The following LDLRAD3 variants were observed in gnomAD, a reference collection of about 807,000 sequenced individuals.
LDLRAD3 encodes the protein low density lipoprotein receptor class A domain containing 3.
A neutral mutation model predicts 29.4 loss-of-function variants in LDLRAD3; 20 were observed. The observed-to-expected ratio is 0.68, with a 90% CI of 0.48 to 0.99. The LOEUF is 0.99. Ranked by LOEUF, LDLRAD3 falls within the 50% of genes least tolerant of loss-of-function variation. The probability of loss-of-function intolerance (pLI) is 0.00; values close to 1 mark genes in which losing one functional copy is unlikely to be tolerated. For synonymous variants in LDLRAD3, 157 were observed against 192.7 expected (o/e 0.81, Z 1.53); for missense variants, 420 against 454.3 (o/e 0.92, Z 0.69).
chr11:36,167,766 C>T (rs755502373), intron 4 of LDLRAD3, among the ~76,000 whole-genome samples: 1 of 152,152 alleles, frequency 6.6e-6, no homozygotes, highest in Non-Finnish European at 1.5e-5. Context: ...CCACGCAGTT[C>T]ATGGCACTTT....
chr11:36,057,676 A>G (rs1335002783), intron 2 of LDLRAD3, among the ~76,000 whole-genome samples: 2 of 152,044 alleles, frequency 1.3e-5, no homozygotes, highest in Non-Finnish European at 2.9e-5. Flanking sequence ...CTGCCCTTCT[A>G]CCTTCTTGGT....
intron 2 of LDLRAD3, among the ~76,000 whole-genome samples, chr11:36,063,218 AG>A (rs925668190): frequency 3.9e-5 from 6 of 152,284 alleles, no homozygotes; most frequent in African/African-American, 1.4e-4. Flanking sequence ...TTGGCTAATT[AG>A]GACTTTCCTG....
intron 1 of LDLRAD3, among the ~76,000 whole-genome samples, chr11:35,985,608 G>A (rs771094910): frequency 1.3e-5 from 2 of 152,220 alleles, no homozygotes; most frequent in Admixed American, 6.5e-5. Context: ...TAATCCCTAC[G>A]TGTTGTGGGA....
intron 4 of LDLRAD3, among the ~76,000 whole-genome samples, chr11:36,207,132 G>C (rs1034121386): frequency 6.6e-6 from 1 of 152,048 alleles, no homozygotes; most frequent in African/African-American, 2.4e-5. Context: ...TCAACTAGGG[G>C]GTTTCCGTTC....
chr11:36,038,433 A>G (rs262450), intron 2 of LDLRAD3, among the ~76,000 whole-genome samples: 115,080 of 152,068 alleles, frequency 0.76, 43,623 homozygotes, highest in Middle Eastern at 0.84. Context: ...CATACGGATT[A>G]TCGTTAGCTG....
intron 1 of LDLRAD3, among the ~76,000 whole-genome samples, chr11:35,968,908 G>T (rs535752458): frequency 7.7e-4 from 117 of 152,240 alleles, no homozygotes; most frequent in African/African-American, 2.4e-3. Context: ...AATTCCTCAC[G>T]TGTGGCCTCA....
chr11:36,120,232 G>A (rs1423801851), intron 4 of LDLRAD3, among the ~76,000 whole-genome samples: 13 of 152,176 alleles, frequency 8.5e-5, no homozygotes, highest in Admixed American at 6.5e-4. Context: ...GGGACAAGCC[G>A]AAGCTGTATG....
chr11:36,146,701 G>C (rs1854199120), intron 4 of LDLRAD3, among the ~76,000 whole-genome samples: 1 of 151,412 alleles, frequency 6.6e-6, no homozygotes, highest in Non-Finnish European at 1.5e-5. Context: ...TGCAATCTCT[G>C]CTTCCGTCTT....
chr11:36,167,637 C>T (rs887566798), intron 4 of LDLRAD3, among the ~76,000 whole-genome samples: 3 of 152,138 alleles, frequency 2.0e-5, no homozygotes, highest in Non-Finnish European at 4.4e-5. Flanking sequence ...CCAGAAACCA[C>T]CAGCAGCGAG....
At chr11:36,056,240 G>A (rs1256998600) in intron 2 of LDLRAD3, among the ~76,000 whole-genome samples, 1 of 151,996 alleles carries the variant, frequency 6.6e-6, no homozygotes, top group South Asian at 2.1e-4. Context: ...TGATCCACCC[G>A]CCGCGGCCTC....
intron 3 of LDLRAD3, among the ~76,000 whole-genome samples, chr11:36,093,275 G>A (rs1455602750): frequency 6.6e-6 from 1 of 152,088 alleles, no homozygotes; most frequent in African/African-American, 2.4e-5. Context: ...TTTCAAAAAT[G>A]TATCATTGTG....
chr11:36,199,913 T>C (rs1855097459), intron 4 of LDLRAD3, among the ~76,000 whole-genome samples: 1 of 152,160 alleles, frequency 6.6e-6, no homozygotes, highest in Non-Finnish European at 1.5e-5. Flanking sequence ...ATGCCTGTAA[T>C]CTCAGCACTT....
In LDLRAD3 at chr11:36,077,826, C is replaced by T. The variant is rs13377366; in HGVS notation, c.194-3827C>T. On this transcript the variant is annotated intron_variant, in intron 2 of 5. Transcript: ENST00000315571. The stretch of plus-strand genomic sequence containing the variant: ...CCTTCTTCTCTCCTCTTGTCTGCTG[C>T]GACATGGTGGGCAAACAGCATGTTT... Among the ~76,000 whole-genome samples, 980 of 152,278 alleles carry T rather than the reference C, an allele frequency of 6.4e-3. 11 individuals carry two copies. Among genetic ancestry groups the T allele is most frequent in the African/African-American group, 0.022 (921 of 41,552 alleles).
chr11:36,148,299 C>G (rs552745243), intron 4 of LDLRAD3, among the ~76,000 whole-genome samples: 25 of 152,232 alleles, frequency 1.6e-4, no homozygotes, highest in African/African-American at 4.8e-4. Flanking sequence ...TGTTTTAACC[C>G]CTGCCCTGTC....
intron 4 of LDLRAD3, among the ~76,000 whole-genome samples, chr11:36,122,520 A>T (rs1336058343): frequency 2.0e-5 from 3 of 152,142 alleles, no homozygotes; most frequent in African/African-American, 7.2e-5. Flanking sequence ...ATAAATAGAC[A>T]CTGCAATTAT....
At chr11:36,023,173 T>G (rs942227436) in intron 1 of LDLRAD3, among the ~76,000 whole-genome samples, 1 of 152,178 alleles carries the variant, frequency 6.6e-6, no homozygotes, top group Non-Finnish European at 1.5e-5. Flanking sequence ...CTGGCGTTTT[T>G]GATCTCCCTG....
chr11:35,986,660 CAGG>C (rs547657362), intron 1 of LDLRAD3, among the ~76,000 whole-genome samples: 54 of 152,326 alleles, frequency 3.5e-4, no homozygotes, highest in African/African-American at 1.3e-3. Flanking sequence ...ATTGCCACAG[CAGG>C]AGAAGAGATT....
At chr11:36,129,614 G>A (rs185907211) in intron 4 of LDLRAD3, among the ~76,000 whole-genome samples, 6 of 152,134 alleles carry the variant, frequency 3.9e-5, no homozygotes, top group East Asian at 1.9e-4. Flanking sequence ...AGGTTGTTGC[G>A]TGGATTCCCT....
chr11:36,053,415 C>T lies in LDLRAD3; in HGVS notation c.193+17166C>T, dbSNP rs150150009. On this transcript the variant is annotated intron_variant, in intron 2 of 5. Coordinates refer to ENST00000315571, the MANE Select transcript of LDLRAD3 (RefSeq NM_174902.4). ...CAACTCTTTAAAGGTAGCTGTGGAG[C>T]GCCTTACGTGCTAATGAGCTCCCTG... Among the ~76,000 whole-genome samples, 110 of 152,232 alleles carry T rather than the reference C, an allele frequency of 7.2e-4. 1 individual carries two copies. The highest frequency in any genetic ancestry group is 2.4e-3 in the African/African-American group (98 of 41,546).
Sources: allele counts gnomAD v4.1 joint callset (sites outside exome capture counted in the v4.1 genomes callset), GRCh38; gene constraint gnomAD v4.1.1; transcripts MANE v1.5; gene names NCBI Gene and HGNC (gene_info 2026-07-23, HGNC 2026-07-21).